The following CTNND2 variants were observed in gnomAD, a reference collection of about 807,000 sequenced individuals.
The protein encoded by CTNND2 is catenin delta-2.
Under a neutral mutation model 144.4 loss-of-function variants are expected in CTNND2, and 22 were observed. The ratio of observed to expected loss-of-function variants is 0.15; its 90% CI spans 0.11 to 0.22. CTNND2 has a LOEUF of 0.22. Among genes scored for constraint, CTNND2 ranks in the 10% least tolerant of loss-of-function variants. CTNND2 has a pLI of 1.00. For synonymous variants in CTNND2, 751 were observed against 695.6 expected (o/e 1.08, Z -1.25); for missense variants, 1,353 against 1,618.8 (o/e 0.84, Z 2.82).
rs143267942 is a variant in CTNND2, at chr5:11,076,648, A to G, written c.2788+6048T>C. On this transcript the variant is annotated intron_variant, in intron 16 of 21. Coordinates refer to ENST00000304623, the MANE Select transcript of CTNND2 (RefSeq NM_001332.4). ...ATTGCTGTTTCCCAGAGACATACAC[A>G]TAACTATGGAAACAACCCAAATGGA... Among the ~76,000 whole-genome samples the G allele has an allele frequency of 7.8e-3, 1,185 of 152,364 alleles. 7 individuals are homozygous for G. Among genetic ancestry groups the G allele is most frequent in the Non-Finnish European group, 0.011 (774 of 68,036 alleles).
intron 10 of CTNND2, among the ~76,000 whole-genome samples, chr5:11,200,123 A>T (rs1033097740): frequency 1.3e-5 from 2 of 152,230 alleles, no homozygotes; most frequent in Admixed American, 1.3e-4. Flanking sequence ...AGGAATCAGA[A>T]GCGAAACGAG....
intron 2 of CTNND2, among the ~76,000 whole-genome samples, chr5:11,676,120 C>T (rs1453033381): frequency 1.3e-5 from 2 of 151,714 alleles, no homozygotes; most frequent in East Asian, 2.0e-4. Flanking sequence ...GGTGTCCCTA[C>T]ACACACACAC....
intron 7 of CTNND2, among the ~76,000 whole-genome samples, chr5:11,368,601 T>A (rs1445837067): frequency 6.6e-6 from 1 of 152,214 alleles, no homozygotes; most frequent in Admixed American, 6.5e-5. Context: ...CATGACAACA[T>A]GGCTCAGCCT....
At chr5:11,699,066 G>C (rs1025608062) in intron 2 of CTNND2, among the ~76,000 whole-genome samples, 3 of 150,796 alleles carry the variant, frequency 2.0e-5, no homozygotes, top group African/African-American at 7.3e-5. Flanking sequence ...CACACACATA[G>C]TTAGATTTAA....
intron 1 of CTNND2, among the ~76,000 whole-genome samples, chr5:11,846,666 C>A (rs907856685): frequency 1.3e-5 from 2 of 151,986 alleles, no homozygotes; most frequent in African/African-American, 4.8e-5. Flanking sequence ...CCCTACAGAA[C>A]AGGAGAAAGT....
At chr5:11,437,709 T>C (rs895016981) in intron 3 of CTNND2, among the ~76,000 whole-genome samples, 2 of 152,210 alleles carry the variant, frequency 1.3e-5, no homozygotes, top group Admixed American at 6.5e-5. Flanking sequence ...AGGAGGTGTC[T>C]TCAAGAAGGA....
Position 11,385,022 on chromosome 5 carries a change from C to T in CTNND2, c.820G>A (p.Gly274Ser), listed in dbSNP as rs1758911979. 1 of 1,236,166 alleles carries T rather than the reference C, an allele frequency of 8.1e-7. No homozygotes were observed. The highest frequency in any genetic ancestry group is 3.3e-5 in the East Asian group (1 of 30,240). The allele number at this position is 1,236,166 out of a possible 1,614,324, so 76.6% of individuals were successfully genotyped here. A position where few individuals can be genotyped will look rare whatever the true frequency, so the allele number is the denominator to read the frequency against. Residue 274 changes from glycine (G) to serine (S), a missense_variant, in exon 7 of 22, where the codon GGC (glycine) becomes AGC (serine). Transcript: ENST00000304623. ...RGGSPLAAPQ[G>S]GSPTKLQRGG... ...CGCTGCAGCTTGGTGGGCGAACCGCCCTGGGGCGCGGCCAGCGGGGAGCCC... is the reference window on the plus strand; with the variant it reads ...CGCTGCAGCTTGGTGGGCGAACCGCTCTGGGGCGCGGCCAGCGGGGAGCCC...
At chr5:11,119,551 C>T (rs1189087730) in intron 12 of CTNND2, among the ~76,000 whole-genome samples, 1 of 152,184 alleles carries the variant, frequency 6.6e-6, no homozygotes, top group East Asian at 1.9e-4. Context: ...AAGGTGGTGA[C>T]AGGCATTTGG....
chr5:11,427,908 A>C (rs1240063098), intron 3 of CTNND2, among the ~76,000 whole-genome samples: 2 of 152,210 alleles, frequency 1.3e-5, no homozygotes, highest in African/African-American at 2.4e-5. Flanking sequence ...AAAGAGGTTT[A>C]ATTGGACTCA....
intron 12 of CTNND2, among the ~76,000 whole-genome samples, chr5:11,125,767 G>A (rs552439899): frequency 5.3e-5 from 8 of 152,148 alleles, no homozygotes; most frequent in Non-Finnish European, 1.0e-4. Context: ...AGACAGCGGG[G>A]GAAATGTAGA....
intron 8 of CTNND2, among the ~76,000 whole-genome samples, chr5:11,362,211 G>T (rs373769772): frequency 2.3e-5 from 1 of 43,606 alleles, no homozygotes; most frequent in African/African-American, 6.3e-5. Context: ...AACTTAGAAT[G>T]TTTTTTTACG....
intron 16 of CTNND2, among the ~76,000 whole-genome samples, chr5:11,063,035 C>T (rs1262751957): frequency 2.6e-5 from 4 of 152,100 alleles, no homozygotes; most frequent in Admixed American, 2.6e-4. Context: ...GAAGACTGAA[C>T]AAAGTTGACA....
intron 1 of CTNND2, among the ~76,000 whole-genome samples, chr5:11,785,432 A>G (rs1790774650): frequency 6.6e-6 from 1 of 152,228 alleles, no homozygotes; most frequent in Admixed American, 6.5e-5. Flanking sequence ...CTTGAACATC[A>G]AATATAAAAT....
chr5:11,876,919 G>A (rs551130413), intron 1 of CTNND2, among the ~76,000 whole-genome samples: 18 of 152,156 alleles, frequency 1.2e-4, no homozygotes, highest in Non-Finnish European at 2.4e-4. Flanking sequence ...TGTTAATTAT[G>A]ACAGTTAAGA....
rs538628381 is a variant in CTNND2 at position 11,214,670 on chromosome 5, T to A, written c.1762-15009A>T. 2.0e-5 allele frequency among the ~76,000 whole-genome samples: 3 copies of A among 152,324 alleles called. No homozygotes were observed. The East Asian group carries it at 5.8e-4, about 29-fold the overall frequency. On this transcript the variant is annotated intron_variant, in intron 10 of 21. Transcript: ENST00000304623. ...TTTAGAAGATCATTAACCTTGGCCT[T>A]CAGTCCTGCCTGACCTGCCTTGTCT...
chr5:11,710,574 A>G (rs1384466068), intron 2 of CTNND2, among the ~76,000 whole-genome samples: 1 of 151,678 alleles, frequency 6.6e-6, no homozygotes, highest in Non-Finnish European at 1.5e-5. Flanking sequence ...AAGAAAACTG[A>G]TCTCACAGCA....
chr5:11,616,916 G>A (rs544914929), intron 2 of CTNND2, among the ~76,000 whole-genome samples: 1 of 152,158 alleles, frequency 6.6e-6, no homozygotes, highest in South Asian at 2.1e-4. Context: ...CCTGTTTGCT[G>A]TTTCTTTTTG....
intron 3 of CTNND2, among the ~76,000 whole-genome samples, chr5:11,435,115 C>CTATTTATT (rs71595819): frequency 0.074 from 10,813 of 145,964 alleles, 997 homozygotes; most frequent in African/African-American, 0.21. Flanking sequence ...TTCTTTTTTA[C>CTATTTATT]TATTTATTTA....
chr5:11,647,866 G>A (rs1339367233), intron 2 of CTNND2, among the ~76,000 whole-genome samples: 1 of 152,072 alleles, frequency 6.6e-6, no homozygotes, highest in Non-Finnish European at 1.5e-5. Context: ...TTGTGTATTT[G>A]CCTGTTTCCT....
Sources: allele counts gnomAD v4.1 joint callset (sites outside exome capture counted in the v4.1 genomes callset), GRCh38; gene constraint gnomAD v4.1.1; transcripts MANE v1.5; gene names NCBI Gene and HGNC (gene_info 2026-07-23, HGNC 2026-07-21).